The following GRXCR2 variants were observed in gnomAD, a reference collection of about 807,000 sequenced individuals.
GRXCR2 encodes the protein glutaredoxin domain-containing cysteine-rich protein 2.
In GRXCR2, 23 loss-of-function variants were observed where a neutral mutation model predicts 24.8. The observed-to-expected ratio is 0.93, with a 90% CI of 0.67 to 1.32. The LOEUF (loss-of-function observed/expected upper bound fraction) is 1.32, where lower values mean the gene tolerates loss of function less well. GRXCR2 is among the 40% of genes most tolerant of loss of function. The pLI, the probability that GRXCR2 is intolerant of heterozygous loss-of-function variation, is 0.00. For synonymous variants in GRXCR2, 130 were observed against 116.1 expected (o/e 1.12, Z -0.77); for missense variants, 315 against 303.4 (o/e 1.04, Z -0.28).
At chr5:145,871,936 T>G (rs930650155) in intron 1 of GRXCR2, among the ~76,000 whole-genome samples, 1 of 152,228 alleles carries the variant, frequency 6.6e-6, no homozygotes, top group African/African-American at 2.4e-5. Context: ...GTGTATGTTT[T>G]CCAGGTTCTA....
At position 145,929,557 on chromosome 5, in the gene GRXCR2, C is replaced by T. The variant is rs571147936; in HGVS notation, c.-70+6144G>A. On this transcript the variant is annotated intron_variant, in intron 2 of 3. Coordinates refer to the GRXCR2 transcript ENST00000639411. ...TAGATTATAAAAACTAGGAAACTGG[C>T]TTTGGCACAATACAATTAACTAGAA... Among the ~76,000 whole-genome samples, 8 of 152,208 alleles carry T rather than the reference C, an allele frequency of 5.3e-5. No homozygotes were observed. In the South Asian group the frequency reaches 1.7e-3, roughly 32 times the overall value.
chr5:145,872,830 C>T lies in GRXCR2; in HGVS notation c.139G>A (p.Glu47Lys). The T allele has an allele frequency of 1.9e-6, 3 of 1,614,156 alleles. No individual in the cohort carries two copies. Among genetic ancestry groups the T allele is most frequent in the Non-Finnish European group, 2.5e-6 (3 of 1,180,018 alleles). The change falls in exon 1 of 3, where the codon GAG (glutamate) becomes AAG (lysine). Residue 47 changes from glutamate to lysine, a missense_variant. Coordinates refer to ENST00000377976, the MANE Select transcript of GRXCR2 (RefSeq NM_001080516.2). ...TGCAGAAAACTGTGAGGGTATTCCT[C>T]CTTTGGTGACTCTAATTCCTGCCCA... The part of the protein sequence containing the change: ...EDGQELESPK[E>K]EYPHSFLQES...
intron 2 of GRXCR2, among the ~76,000 whole-genome samples, chr5:145,912,435 G>A (rs2149925949): frequency 6.6e-6 from 1 of 152,262 alleles, no homozygotes; most frequent in East Asian, 1.9e-4. Context: ...TTATATGCCA[G>A]CCACTGCTCT....
intron 1 of GRXCR2, among the ~76,000 whole-genome samples, chr5:145,868,956 A>G (rs540516070): frequency 3.9e-5 from 6 of 152,364 alleles, no homozygotes; most frequent in African/African-American, 1.4e-4. Flanking sequence ...TACATGATAG[A>G]GGGCCAGGAA....
intron 2 of GRXCR2, among the ~76,000 whole-genome samples, chr5:145,928,419 T>G (rs1178082166): frequency 1.3e-5 from 2 of 152,008 alleles, no homozygotes; most frequent in African/African-American, 4.8e-5. Flanking sequence ...ACCCAAAGGA[T>G]TATAAATCAT....
intron 2 of GRXCR2, among the ~76,000 whole-genome samples, chr5:145,925,827 C>T (rs770342587): frequency 6.6e-6 from 1 of 152,034 alleles, no homozygotes; most frequent in African/African-American, 2.4e-5. Context: ...CATTCTAATT[C>T]TTTTTTAATA....
At position 145,862,808 on chromosome 5, in the gene GRXCR2, G is replaced by C. The variant is rs1581328330; in HGVS notation, c.565-2893C>G. ...TGATCTCTGGCAAGTTACTTAACCT[G>C]ATCCTCAGTTTCCCTAGCTGCAGAA... On this transcript the variant is annotated intron_variant, in intron 2 of 2. Coordinates refer to ENST00000377976, the MANE Select transcript of GRXCR2 (RefSeq NM_001080516.2). Among the ~76,000 whole-genome samples, 6 of 152,292 alleles carry C rather than the reference G, an allele frequency of 3.9e-5. No individual in the cohort carries two copies. The East Asian group carries it at 1.2e-3, about 29-fold the overall frequency.
chr5:145,872,769 G>A lies in GRXCR2; in HGVS notation c.200C>T (p.Ser67Phe), dbSNP rs1490589200. 1 of 1,614,160 alleles carries A rather than the reference G, an allele frequency of 6.2e-7. No homozygotes were observed. The highest frequency in any genetic ancestry group is 1.1e-5 in the South Asian group (1 of 91,080). ...SLETMDGVYG[S>F]GEVPRPQMCS... is the part of the protein sequence containing the mutation. Reference sequence around the variant, plus strand: ...CATCTGGGGCCTGGGGACTTCCCCAGACCCATAAACACCATCCATTGTTTC... The same window carrying A: ...CATCTGGGGCCTGGGGACTTCCCCAAACCCATAAACACCATCCATTGTTTC... Residue 67 changes from serine (S) to phenylalanine (F), a missense_variant, in exon 1 of 3, where the codon TCT becomes TTT. Ser to Phe is a radical substitution (Grantham distance 155, BLOSUM62 -2). Transcript: ENST00000377976.
chr5:145,858,618 T>C lies in GRXCR2; in HGVS notation c.*1115A>G, dbSNP rs1756279574. The C allele has an allele frequency of 6.6e-6, 1 of 152,168 alleles. No homozygotes were observed. The highest frequency in any genetic ancestry group is 1.9e-4 in the East Asian group (1 of 5,200). 9.4% of individuals were successfully genotyped at this position (152,168 alleles called of 1,614,324 possible). ...TGAATATTAGAGAATAACAAACAAA[T>C]CTTGAGAAATTATTAAGTTATGAAA... On this transcript the variant is annotated 3_prime_UTR_variant, in exon 3 of 3. Transcript: ENST00000377976.
chr5:145,906,621 T>C lies in GRXCR2; in HGVS notation c.-70+29080A>G, dbSNP rs184859977. ...CTGGCTTGAATTGCTTTTCTGCCTTTTTGTCATGGAATGATTCCTGATTAG... is the reference window on the plus strand; with the variant it reads ...CTGGCTTGAATTGCTTTTCTGCCTTCTTGTCATGGAATGATTCCTGATTAG... On this transcript the variant is annotated intron_variant, in intron 2 of 3. Coordinates refer to the GRXCR2 transcript ENST00000639411. Among the ~76,000 whole-genome samples, 551 of 152,312 alleles carry C rather than the reference T, an allele frequency of 3.6e-3. 2 individuals are homozygous for C. Among genetic ancestry groups the C allele is most frequent in the Non-Finnish European group, 5.3e-3 (360 of 68,036 alleles).
At chr5:145,924,109 G>T (rs539004407) in intron 2 of GRXCR2, among the ~76,000 whole-genome samples, 7 of 152,178 alleles carry the variant, frequency 4.6e-5, no homozygotes, top group South Asian at 4.2e-4. Flanking sequence ...ATGGAGAGAT[G>T]AACTGCCCAT....
intron 2 of GRXCR2, among the ~76,000 whole-genome samples, chr5:145,914,431 T>C (rs1757207215): frequency 6.6e-6 from 1 of 151,994 alleles, no homozygotes; most frequent in Non-Finnish European, 1.5e-5. Flanking sequence ...ATCTCAGCAC[T>C]TTGGGAAGCC....
chr5:145,872,754 C>A lies in GRXCR2; in HGVS notation c.215G>T (p.Arg72Met). The A allele has an allele frequency of 6.2e-7, 1 of 1,614,104 alleles. No individual in the cohort carries two copies. Among genetic ancestry groups the A allele is most frequent in the Non-Finnish European group, 8.5e-7 (1 of 1,179,952 alleles). The stretch of plus-strand genomic sequence containing the variant: ...CAGCTTAGGGGAGCACATCTGGGGC[C>A]TGGGGACTTCCCCAGACCCATAAAC... ...DGVYGSGEVPRPQMCSPKLTA... is the reference protein window; with the variant it reads ...DGVYGSGEVPMPQMCSPKLTA... The change falls in exon 1 of 3, where the codon AGG becomes ATG. Residue 72 changes from arginine to methionine, a missense_variant. By Grantham distance (91) the Arg-to-Met change is moderately conservative. Transcript: ENST00000377976.
intron 2 of GRXCR2, among the ~76,000 whole-genome samples, chr5:145,878,757 A>G (rs367643981): frequency 1.2e-4 from 18 of 152,240 alleles, no homozygotes; most frequent in African/African-American, 4.3e-4. Flanking sequence ...AGATACACCA[A>G]GGCAGAAATG....
At chr5:145,868,407 C>G (rs1257526019) in intron 1 of GRXCR2, among the ~76,000 whole-genome samples, 1 of 152,174 alleles carries the variant, frequency 6.6e-6, no homozygotes, top group East Asian at 1.9e-4. Flanking sequence ...TCTTGAAACA[C>G]CCATGGAGTT....
intron 2 of GRXCR2, among the ~76,000 whole-genome samples, chr5:145,910,351 G>A (rs1348344472): frequency 2.0e-5 from 3 of 152,058 alleles, no homozygotes; most frequent in Admixed American, 6.6e-5. Flanking sequence ...TGACCTTTGC[G>A]AATCTGCATT....
chr5:145,915,966 C>T (rs1371482947), intron 2 of GRXCR2, among the ~76,000 whole-genome samples: 3 of 152,126 alleles, frequency 2.0e-5, no homozygotes, highest in African/African-American at 4.8e-5. Flanking sequence ...GTCAACAATG[C>T]AGGGTACCCA....
At chr5:145,893,701 AC>A (rs2149920012) in intron 2 of GRXCR2, among the ~76,000 whole-genome samples, 1 of 152,292 alleles carries the variant, frequency 6.6e-6, no homozygotes, top group South Asian at 2.1e-4. Context: ...TTAACACCCC[AC>A]TGTCAACATT....
intron 2 of GRXCR2, among the ~76,000 whole-genome samples, chr5:145,920,855 C>T (rs929807422): frequency 1.4e-4 from 22 of 152,180 alleles, no homozygotes; most frequent in Non-Finnish European, 1.5e-4. Flanking sequence ...GGGCAGAGAC[C>T]TTATAAAAAA....
Sources: gnomAD v4.1 joint callset for allele counts (sites outside exome capture counted in the v4.1 genomes callset) on GRCh38, gnomAD v4.1.1 for gene constraint, MANE v1.5 for transcripts, NCBI Gene and HGNC (gene_info 2026-07-23, HGNC 2026-07-21) for gene names.